NPAS3: variants seen among roughly 807,000 people sequenced by gnomAD.
NPAS3 encodes the protein neuronal PAS domain protein 3.
NPAS3 carries 14 observed loss-of-function variants against 73.1 expected under a neutral mutation model. The observed-to-expected ratio is 0.19, with a 90% CI of 0.13 to 0.30. NPAS3 has a LOEUF of 0.30. Ranked by LOEUF, NPAS3 falls within the 10% of genes least tolerant of loss-of-function variation. NPAS3 has a pLI of 1.00. For synonymous variants in NPAS3, 620 were observed against 541.5 expected, an observed-to-expected ratio of 1.14 and a Z score of -2.01; for missense variants, 1,096 against 1,250.0, an observed-to-expected ratio of 0.88 and a Z score of 1.86.
At chr14:33,382,295 C>T (rs189583853) in intron 4 of NPAS3, among the ~76,000 whole-genome samples, 4 of 151,980 alleles carry the variant, frequency 2.6e-5, no homozygotes, top group Admixed American at 6.6e-5. Context: ...AACCTTGAGA[C>T]CTTTAACTCA....
chr14:32,947,797 A>AT lies in NPAS3; in HGVS notation c.50+8440dup, dbSNP rs966225221. ...TGCTGTAAGGCAAAGTAGGCTCATC[A>AT]TTTTTTTTTGCACATTTTTATTGTT... On this transcript the variant is annotated intron_variant, in intron 1 of 11. Coordinates refer to ENST00000356141, the Ensembl canonical transcript of NPAS3. 1.4e-3 allele frequency among the ~76,000 whole-genome samples: 216 copies of AT among 150,272 alleles called. 2 individuals are homozygous for AT. Among genetic ancestry groups the AT allele is most frequent in the Non-Finnish European group, 1.0e-3 (70 of 67,364 alleles).
At chr14:33,546,336 A>G (rs1460585089) in intron 4 of NPAS3, among the ~76,000 whole-genome samples, 1 of 152,204 alleles carries the variant, frequency 6.6e-6, no homozygotes, top group African/African-American at 2.4e-5. Context: ...GTCCTCCAAC[A>G]CCGCAACACT....
chr14:33,235,186 T>C (rs189329432), intron 3 of NPAS3, among the ~76,000 whole-genome samples: 85 of 152,258 alleles, frequency 5.6e-4, no homozygotes, highest in African/African-American at 1.8e-3. Flanking sequence ...CCTCCTGCCA[T>C]AGATGCCTTT....
At chr14:33,185,638 A>T (rs2045950175) in intron 2 of NPAS3, among the ~76,000 whole-genome samples, 1 of 152,050 alleles carries the variant, frequency 6.6e-6, no homozygotes, top group Non-Finnish European at 1.5e-5. Flanking sequence ...ATGAATGGAG[A>T]ATTTCTTGGA....
At chr14:33,397,576 T>G (rs746850090) in intron 4 of NPAS3, among the ~76,000 whole-genome samples, 1 of 152,150 alleles carries the variant, frequency 6.6e-6, no homozygotes, top group East Asian at 1.9e-4. Flanking sequence ...AAGAATTTCT[T>G]ATTGTTGCTA....
intron 3 of NPAS3, among the ~76,000 whole-genome samples, chr14:33,222,148 T>C (rs1224204893): frequency 1.3e-5 from 2 of 152,186 alleles, no homozygotes; most frequent in African/African-American, 4.8e-5. Context: ...CTGTGTAGCA[T>C]TTCTTCCTCT....
chr14:33,534,046 A>G (rs540819661), intron 4 of NPAS3, among the ~76,000 whole-genome samples: 11 of 152,270 alleles, frequency 7.2e-5, no homozygotes, highest in African/African-American at 2.4e-4. Flanking sequence ...TTAGCTAGAC[A>G]TCATGACAAG....
chr14:33,060,245 A>G (rs1172216513), intron 2 of NPAS3, among the ~76,000 whole-genome samples: 1 of 152,206 alleles, frequency 6.6e-6, no homozygotes, highest in Non-Finnish European at 1.5e-5. Context: ...CTTAAGTTGC[A>G]ATTCAGCCAT....
intron 4 of NPAS3, among the ~76,000 whole-genome samples, chr14:33,376,144 G>T (rs117405891): frequency 6.6e-6 from 1 of 152,048 alleles, no homozygotes; most frequent in African/African-American, 2.4e-5. Flanking sequence ...ATTGTAAACC[G>T]TTATTTCCCT....
chr14:33,411,880 C>T (rs2047942786), intron 4 of NPAS3, among the ~76,000 whole-genome samples: 1 of 151,480 alleles, frequency 6.6e-6, no homozygotes, highest in Admixed American at 6.6e-5. Flanking sequence ...ACAGTGAATG[C>T]TCGCTCCTCT....
rs138985530 is a variant in NPAS3 at position 33,072,142 on chromosome 14, C to T, written c.140+16148C>T. On this transcript the variant is annotated intron_variant, in intron 2 of 11. Transcript: ENST00000356141. ...CTGATCTCAGGTGATCCGCCTGCCT[C>T]GGTCTCCTAAAGTGCTGGGATTACA... Among the ~76,000 whole-genome samples the T allele has an allele frequency of 5.2e-3, 791 of 152,248 alleles. 3 individuals are homozygous for T. The highest frequency in any genetic ancestry group is 7.5e-3 in the Non-Finnish European group (509 of 68,022).
At chr14:33,632,199 G>T (rs2058396899) in intron 5 of NPAS3, among the ~76,000 whole-genome samples, 1 of 152,150 alleles carries the variant, frequency 6.6e-6, no homozygotes, top group African/African-American at 2.4e-5. Context: ...CCAAGTCCAT[G>T]TGAGTTTAAG....
At chr14:33,394,652 C>CTA (rs1566863226) in intron 4 of NPAS3, among the ~76,000 whole-genome samples, 1 of 152,052 alleles carries the variant, frequency 6.6e-6, no homozygotes, top group Admixed American at 6.6e-5. Flanking sequence ...TATCATTTTT[C>CTA]CATATTTATC....
At chr14:33,613,164 T>A (rs1209344849) in intron 5 of NPAS3, among the ~76,000 whole-genome samples, 3 of 152,080 alleles carry the variant, frequency 2.0e-5, no homozygotes, top group Non-Finnish European at 4.4e-5. Context: ...TAGCCCAAAT[T>A]CACACAGCTC....
At chr14:33,666,030 C>G (rs2059441056) in intron 5 of NPAS3, among the ~76,000 whole-genome samples, 1 of 152,036 alleles carries the variant, frequency 6.6e-6, no homozygotes, top group Admixed American at 6.6e-5. Context: ...CCTTGTGGTA[C>G]CAACTTGAGA....
chr14:33,645,601 G>A (rs1230829795), intron 5 of NPAS3, among the ~76,000 whole-genome samples: 2 of 152,212 alleles, frequency 1.3e-5, no homozygotes, highest in African/African-American at 2.4e-5. Flanking sequence ...TACCCTCCAA[G>A]AGCATGTGTT....
chr14:33,550,571 T>G lies in NPAS3; in HGVS notation c.469-9550T>G, dbSNP rs145274650. 2.6e-3 allele frequency among the ~76,000 whole-genome samples: 402 copies of G among 152,338 alleles called. 3 individuals are homozygous for G. The highest frequency in any genetic ancestry group is 8.2e-3 in the African/African-American group (342 of 41,582). On this transcript the variant is annotated intron_variant, in intron 4 of 11. Coordinates refer to ENST00000356141, the Ensembl canonical transcript of NPAS3. ...CATTTCTTTGGAGCCTTGAATAGGA[T>G]AAGAGCTCTGTGGACAGGCAGCGTA...
At chr14:33,322,645 G>A (rs1566794888) in intron 3 of NPAS3, among the ~76,000 whole-genome samples, 1 of 151,962 alleles carries the variant, frequency 6.6e-6, no homozygotes, top group East Asian at 1.9e-4. Flanking sequence ...TGTTTTTATA[G>A]TCCTGAGCTC....
chr14:33,669,897 T>G (rs572639417), intron 5 of NPAS3, among the ~76,000 whole-genome samples: 2 of 152,208 alleles, frequency 1.3e-5, no homozygotes, highest in Non-Finnish European at 2.9e-5. Flanking sequence ...GTTGTTTGTT[T>G]TTTTGGGGGT....
Sources: allele counts gnomAD v4.1 joint callset (sites outside exome capture counted in the v4.1 genomes callset), GRCh38; gene constraint gnomAD v4.1.1; transcripts MANE v1.5; gene names NCBI Gene and HGNC (gene_info 2026-07-23, HGNC 2026-07-21).